SLC7A1: variants seen among roughly 807,000 people sequenced by gnomAD.
SLC7A1 encodes the protein high affinity cationic amino acid transporter 1.
In SLC7A1, 10 loss-of-function variants were observed where a neutral mutation model predicts 53.9. The ratio of observed to expected loss-of-function variants is 0.19; its 90% confidence interval spans 0.11 to 0.31. The LOEUF is 0.31. SLC7A1 is among the 10% of genes least tolerant of loss of function. The pLI is 1.00. For missense variants in SLC7A1, 525 were observed against 827.2 expected (o/e 0.63, Z 4.48); for synonymous variants, 342 against 338.7 (o/e 1.01, Z -0.11).
intron 1 of SLC7A1, among the ~76,000 whole-genome samples, chr13:29,582,402 C>A (rs1871686843): frequency 6.6e-6 from 1 of 152,258 alleles, no homozygotes; most frequent in Admixed American, 6.5e-5. Context: ...GGTCGCCACA[C>A]CCCTGCCGTC....
At chr13:29,570,676 A>G (rs1871155335) in intron 1 of SLC7A1, among the ~76,000 whole-genome samples, 1 of 152,110 alleles carries the variant, frequency 6.6e-6, no homozygotes, top group Non-Finnish European at 1.5e-5. Flanking sequence ...ACATAGCAAA[A>G]CCAAGTCTCT....
chr13:29,592,938 G>A (rs147999636), intron 1 of SLC7A1, among the ~76,000 whole-genome samples: 2 of 152,116 alleles, frequency 1.3e-5, no homozygotes, highest in East Asian at 3.9e-4. Flanking sequence ...ACTAGAAGGC[G>A]GCAGGGGAGC....
At chr13:29,581,195 G>A (rs548362472) in intron 1 of SLC7A1, among the ~76,000 whole-genome samples, 4 of 152,110 alleles carry the variant, frequency 2.6e-5, no homozygotes, top group South Asian at 2.1e-4. Flanking sequence ...ATGACATCCC[G>A]ACCCTGCCCC....
intron 12 of SLC7A1, 76 bp from the exon 13 acceptor site, chr13:29,514,659 C>T (rs866380072): frequency 4.4e-6 from 5 of 1,147,430 alleles, no homozygotes; most frequent in Non-Finnish European, 3.8e-6. Flanking sequence ...GAGCCCAGGG[C>T]GGTCCCACAG....
At chr13:29,525,870 A>G (rs2482093) in intron 5 of SLC7A1, among the ~76,000 whole-genome samples, 123,199 of 152,216 alleles carry the variant, frequency 0.81, 51,674 homozygotes, top group East Asian at 0.95. Flanking sequence ...GCAGGGCCGC[A>G]GGACAGCAAA....
chr13:29,523,126 G>A, intron 7 of SLC7A1, 140 bp downstream of exon 7: 3 of 701,942 alleles, frequency 4.3e-6, no homozygotes, highest in South Asian at 1.7e-5. Flanking sequence ...TCAAAGCTGG[G>A]TTGGGTACTG....
At chr13:29,521,769 G>A (rs1797484422) in intron 8 of SLC7A1, among the ~76,000 whole-genome samples, 3 of 152,160 alleles carry the variant, frequency 2.0e-5, no homozygotes, top group Admixed American at 6.5e-5. Flanking sequence ...TCAGCGATGA[G>A]GCTCATCTGA....
intron 2 of SLC7A1, among the ~76,000 whole-genome samples, chr13:29,546,049 T>A (rs940788761): frequency 6.6e-6 from 1 of 152,096 alleles, no homozygotes; most frequent in Admixed American, 6.5e-5. Flanking sequence ...CCTATCCTAT[T>A]GGAGCCAGGG....
intron 3 of SLC7A1, among the ~76,000 whole-genome samples, chr13:29,533,263 A>G (rs1869258138): frequency 6.9e-6 from 1 of 144,540 alleles, no homozygotes; most frequent in African/African-American, 2.6e-5. Flanking sequence ...AAAAGTTCGC[A>G]AAACGAGTGT....
chr13:29,542,763 C>G (rs550578985), intron 2 of SLC7A1, among the ~76,000 whole-genome samples: 35 of 150,872 alleles, frequency 2.3e-4, no homozygotes, highest in African/African-American at 7.8e-4. Context: ...TCCTCATACT[C>G]AAAAGTATGA....
rs191041997 is a variant in SLC7A1, at chr13:29,536,579, G to T, written c.-14-377C>A. ...CAGATAATACACCAGGAAAAACAAG[G>T]TGTTAGTTCAAGTATGCTGTAATAG... On this transcript the variant is annotated intron_variant, in intron 2 of 12. Transcript: ENST00000380752. Among the ~76,000 whole-genome samples the T allele has an allele frequency of 5.3e-5, 8 of 152,260 alleles. No individual in the cohort carries two copies. In the East Asian group the frequency reaches 1.5e-3, roughly 29 times the overall value.
chr13:29,570,669 T>C lies in SLC7A1; in HGVS notation c.-114-16809A>G, dbSNP rs183718013. On this transcript the variant is annotated intron_variant, in intron 1 of 12. Coordinates refer to ENST00000380752, the MANE Select transcript of SLC7A1 (RefSeq NM_003045.5). ...GAGTTGGAGACCAGCCTGGGCAACA[T>C]AGCAAAACCAAGTCTCTACAAAATA... 1.2e-4 allele frequency among the ~76,000 whole-genome samples: 18 copies of C among 152,082 alleles called. No homozygotes were observed. In the East Asian group the frequency reaches 3.1e-3, roughly 26 times the overall value.
chr13:29,531,208 A>G (rs1869143826), intron 4 of SLC7A1, among the ~76,000 whole-genome samples: 1 of 152,240 alleles, frequency 6.6e-6, no homozygotes, highest in Non-Finnish European at 1.5e-5. Flanking sequence ...GATATTAACA[A>G]TAACAACTAG....
chr13:29,556,342 TA>T (rs1870439607), intron 1 of SLC7A1, among the ~76,000 whole-genome samples: 1 of 152,206 alleles, frequency 6.6e-6, no homozygotes, highest in Admixed American at 6.5e-5. Context: ...TTATTTTAGG[TA>T]AATTAAGACA....
intron 1 of SLC7A1, among the ~76,000 whole-genome samples, chr13:29,577,335 G>A (rs1429064086): frequency 6.6e-6 from 1 of 152,158 alleles, no homozygotes. Context: ...AGAGCCAGGC[G>A]CCAGATTCAG....
rs1475964068 is a variant in SLC7A1 at position 29,514,405 on chromosome 13, G to T, written c.*75C>A. On this transcript the variant is annotated 3_prime_UTR_variant, in exon 13 of 13. Transcript: ENST00000380752. Reference sequence around the variant, plus strand: ...AGGTGGTTTCTGTTGCACTGGTGGGGAGGGTGGGGTGCCTCCCGGTCCTCT... The same window carrying T: ...AGGTGGTTTCTGTTGCACTGGTGGGTAGGGTGGGGTGCCTCCCGGTCCTCT... 3 of 1,049,282 alleles carry T rather than the reference G, an allele frequency of 2.9e-6. No homozygotes were observed. The highest frequency in any genetic ancestry group is 4.3e-6 in the Non-Finnish European group (3 of 691,154). 65.0% of individuals were successfully genotyped at this position (1,049,282 alleles called of 1,614,324 possible). A position where few individuals can be genotyped will look rare whatever the true frequency, so the allele number is the denominator to read the frequency against.
At chr13:29,561,348 G>T (rs1870745842) in intron 1 of SLC7A1, among the ~76,000 whole-genome samples, 1 of 152,096 alleles carries the variant, frequency 6.6e-6, no homozygotes, top group Non-Finnish European at 1.5e-5. Context: ...AAGCTACAAG[G>T]GACCACAGTT....
At chr13:29,567,961 C>G (rs1234336648) in intron 1 of SLC7A1, among the ~76,000 whole-genome samples, 1 of 152,106 alleles carries the variant, frequency 6.6e-6, no homozygotes, top group Non-Finnish European at 1.5e-5. Flanking sequence ...AAAGAGCTCC[C>G]ACCCAGGGGA....
chr13:29,552,049 G>A (rs949207444), intron 2 of SLC7A1, among the ~76,000 whole-genome samples: 2 of 152,096 alleles, frequency 1.3e-5, no homozygotes, highest in African/African-American at 2.4e-5. Context: ...TGTGGCAAAG[G>A]TCACTGGCTA....
Sources: allele counts gnomAD v4.1 joint callset (sites outside exome capture counted in the v4.1 genomes callset), GRCh38; gene constraint gnomAD v4.1.1; transcripts MANE v1.5; gene names NCBI Gene and HGNC (gene_info 2026-07-23, HGNC 2026-07-21).